Variants in ADGB observed in about 807,000 individuals in gnomAD.
ADGB encodes calpain-7-like protein.
In ADGB, 172 loss-of-function variants were observed where a neutral mutation model predicts 210.5. The ratio of observed to expected loss-of-function variants is 0.82; its 90% CI spans 0.72 to 0.93. ADGB has a LOEUF of 0.93. Among genes scored for constraint, ADGB ranks in the 40% least tolerant of loss-of-function variants. ADGB has a pLI of 0.00. For synonymous variants in ADGB, 658 were observed against 662.7 expected, an observed-to-expected ratio of 0.99 and a Z score of 0.11; for missense variants, 2,025 against 1,964.8, an observed-to-expected ratio of 1.03 and a Z score of -0.58.
At chr6:146,809,731 A>G (rs987088802) in intron 35 of ADGB, among the ~76,000 whole-genome samples, 6 of 152,236 alleles carry the variant, frequency 3.9e-5, no homozygotes, top group African/African-American at 1.4e-4. Context: ...AATCGTTTCA[A>G]AAATGATGTT....
At chr6:146,739,389 A>G (rs769284894) in intron 23 of ADGB, among the ~76,000 whole-genome samples, 3 of 152,206 alleles carry the variant, frequency 2.0e-5, no homozygotes, top group Non-Finnish European at 4.4e-5. Context: ...TTAGGACTGT[A>G]ATAAATAGTT....
chr6:146,636,698 T>A (rs1054359543), intron 2 of ADGB, among the ~76,000 whole-genome samples: 12 of 151,858 alleles, frequency 7.9e-5, no homozygotes, highest in Admixed American at 5.9e-4. Context: ...TCTGTCACAA[T>A]CTCATCCATA....
rs1775404071 is a variant in ADGB, at chr6:146,635,447, A to G, written c.147A>G (p.Pro49=). 6.5e-7 allele frequency: 1 copy of G among 1,548,544 alleles called. No homozygotes were observed. Among genetic ancestry groups the G allele is most frequent in the Non-Finnish European group, 8.7e-7 (1 of 1,145,286 alleles). ...AGAAGGGGAAATTCCCACTCTGGCC[A>G]GAGTGGAGTGAAGCTGACATAAATT... is the stretch of plus-strand genomic sequence containing the variant. The part of the protein sequence containing the change: ...EQKKGKFPLW[P]EWSEADINSE... The change falls in exon 2 of 36, where the codon CCA becomes CCG. Residue 49 remains proline (P), a synonymous_variant. Transcript: ENST00000397944.
chr6:146,646,079 G>T lies in ADGB; in HGVS notation c.330+1214G>T, dbSNP rs115309516. On this transcript the variant is annotated intron_variant, in intron 3 of 35. Transcript: ENST00000397944. ...ATAAAGGGTGTGAATTCCACAAGAT[G>T]ATGATGTTGTAAATTTGGATAAGTA... Among the ~76,000 whole-genome samples the T allele has an allele frequency of 2.0e-3, 306 of 152,178 alleles. 1 individual carries two copies. Among genetic ancestry groups the T allele is most frequent in the African/African-American group, 7.1e-3 (295 of 41,550 alleles).
chr6:146,612,237 T>C (rs914196122), intron 1 of ADGB, among the ~76,000 whole-genome samples: 1 of 152,200 alleles, frequency 6.6e-6, no homozygotes, highest in Non-Finnish European at 1.5e-5. Flanking sequence ...TCCCTTTTGA[T>C]TGAAACAATT....
chr6:146,782,684 G>A (rs1199264819), intron 30 of ADGB, among the ~76,000 whole-genome samples: 1 of 152,148 alleles, frequency 6.6e-6, no homozygotes, highest in East Asian at 1.9e-4. Context: ...GGAGGGGTCA[G>A]TAAGGGTCAG....
intron 3 of ADGB, among the ~76,000 whole-genome samples, chr6:146,651,551 C>G: frequency 6.6e-6 from 1 of 152,128 alleles, no homozygotes; most frequent in African/African-American, 2.4e-5. Flanking sequence ...ACCCGCGGTC[C>G]AGGAGGATGC....
intron 20 of ADGB, among the ~76,000 whole-genome samples, chr6:146,731,690 C>T (rs564400203): frequency 3.9e-5 from 6 of 152,254 alleles, no homozygotes; most frequent in South Asian, 2.1e-4. Flanking sequence ...CTCCTCCTAC[C>T]GTGTTATATT....
intron 28 of ADGB, among the ~76,000 whole-genome samples, chr6:146,765,347 G>GA (rs567565241): frequency 6.0e-5 from 9 of 149,718 alleles, no homozygotes; most frequent in African/African-American, 9.8e-5. Context: ...GTGAGAATTT[G>GA]AAAAAAAAAT....
At chr6:146,656,698 CTGT>C in intron 4 of ADGB, 70 bp from the exon 5 acceptor site, 1 of 1,020,656 alleles carries the variant, frequency 9.8e-7, no homozygotes, top group East Asian at 2.7e-5. Flanking sequence ...GATTTTTTTA[CTGT>C]TTTTATCCCT....
intron 12 of ADGB, among the ~76,000 whole-genome samples, chr6:146,697,402 C>A (rs1249212092): frequency 6.6e-6 from 1 of 152,092 alleles, no homozygotes; most frequent in African/African-American, 2.4e-5. Context: ...GTTAACTGTA[C>A]TTCAATTATC....
intron 29 of ADGB, among the ~76,000 whole-genome samples, chr6:146,775,275 C>G (rs954731275): frequency 6.6e-6 from 1 of 151,746 alleles, no homozygotes; most frequent in Non-Finnish European, 1.5e-5. Flanking sequence ...TTCAAAAATT[C>G]ATGTCTTTAT....
intron 1 of ADGB, among the ~76,000 whole-genome samples, chr6:146,607,548 T>C (rs114441821): frequency 0.014 from 2,088 of 152,242 alleles, 50 homozygotes; most frequent in African/African-American, 0.047. Context: ...ATGGCTCTTA[T>C]TATTTTGATG....
chr6:146,619,752 G>A (rs1221913759), intron 1 of ADGB, among the ~76,000 whole-genome samples: 9 of 151,992 alleles, frequency 5.9e-5, no homozygotes, highest in Non-Finnish European at 8.8e-5. Flanking sequence ...ATTAACTGTT[G>A]TAATTATTTT....
rs1238891018 is a variant in ADGB, at chr6:146,663,260, G to A, written c.613-941G>A. The stretch of plus-strand genomic sequence containing the variant: ...ATAATATTAGTCTTGTAACAACTAA[G>A]GCTACTATACCAGAATACTATAGAC... On this transcript the variant is annotated intron_variant, in intron 5 of 35. Transcript: ENST00000397944. Among the ~76,000 whole-genome samples, 3 of 147,058 alleles carry A rather than the reference G, an allele frequency of 2.0e-5. No homozygotes were observed. The East Asian group carries it at 5.9e-4, about 29-fold the overall frequency.
intron 1 of ADGB, among the ~76,000 whole-genome samples, chr6:146,606,861 A>G (rs1177474139): frequency 6.6e-6 from 1 of 152,082 alleles, no homozygotes; most frequent in Non-Finnish European, 1.5e-5. Context: ...TTCTTTTTGC[A>G]TAGGATCGTC....
chr6:146,781,937 C>G, intron 29 of ADGB, 83 bp from the exon 30 acceptor site: 1 of 987,508 alleles, frequency 1.0e-6, no homozygotes. Context: ...ACCATATGTC[C>G]CTGAGTTGAT....
At chr6:146,805,757 T>C (rs75817156) in intron 35 of ADGB, among the ~76,000 whole-genome samples, 2,129 of 152,204 alleles carry the variant, frequency 0.014, 55 homozygotes, top group African/African-American at 0.048. Context: ...GGGTCACTTA[T>C]TAGAGAGATC....
intron 1 of ADGB, among the ~76,000 whole-genome samples, chr6:146,600,589 C>T (rs959405626): frequency 2.0e-5 from 3 of 152,192 alleles, no homozygotes; most frequent in African/African-American, 7.2e-5. Flanking sequence ...AAGTTACAAC[C>T]TCTACTTCTC....
Sources: allele counts gnomAD v4.1 joint callset (sites outside exome capture counted in the v4.1 genomes callset), GRCh38; gene constraint gnomAD v4.1.1; transcripts MANE v1.5; gene names NCBI Gene and HGNC (gene_info 2026-07-23, HGNC 2026-07-21).